IMMP2L: variants seen among roughly 807,000 people sequenced by gnomAD.
IMMP2L encodes inner mitochondrial membrane peptidase subunit 2, also known as mitochondrial inner membrane protease subunit 2.
A neutral mutation model predicts 19.3 loss-of-function variants in IMMP2L; 18 were observed. The observed-to-expected ratio is 0.93, with a 90% CI of 0.64 to 1.38. IMMP2L has a LOEUF of 1.38. Ranked by LOEUF, IMMP2L falls within the 40% of genes most tolerant of loss-of-function variation. The pLI is 0.00. For missense variants in IMMP2L, 233 were observed against 218.2 expected (o/e 1.07, Z -0.43); for synonymous variants, 76 against 73.0 (o/e 1.04, Z -0.21).
intron 3 of IMMP2L, among the ~76,000 whole-genome samples, chr7:111,294,448 T>C (rs1380459644): frequency 6.6e-6 from 1 of 151,984 alleles, no homozygotes; most frequent in Non-Finnish European, 1.5e-5. Flanking sequence ...CAAAACAATG[T>C]AGTTTTAATT....
chr7:111,466,343 T>TA (rs919414549), intron 3 of IMMP2L, among the ~76,000 whole-genome samples: 5 of 152,010 alleles, frequency 3.3e-5, no homozygotes, highest in Admixed American at 6.6e-5. Flanking sequence ...TAAAGTATAA[T>TA]AAAAAAAATT....
intron 1 of IMMP2L, among the ~76,000 whole-genome samples, chr7:111,551,020 A>C (rs6952483): frequency 0.8 from 121,296 of 152,086 alleles, 50,162 homozygotes; most frequent in East Asian, 0.97. Flanking sequence ...ATAATGGGAA[A>C]ATCATATGAA....
chr7:111,550,121 A>T (rs1467264719), intron 1 of IMMP2L, among the ~76,000 whole-genome samples: 1 of 152,158 alleles, frequency 6.6e-6, no homozygotes, highest in Non-Finnish European at 1.5e-5. Context: ...TCAAGCAACT[A>T]TTAAACAAAT....
chr7:110,891,099 C>T (rs1355343365), intron 4 of IMMP2L, among the ~76,000 whole-genome samples: 3 of 151,558 alleles, frequency 2.0e-5, no homozygotes, highest in Non-Finnish European at 4.4e-5. Flanking sequence ...ATAGTGGCTG[C>T]CCTGAGGATG....
In IMMP2L at chr7:111,054,085, G is replaced by A. The variant is rs192783671; in HGVS notation, c.240-90520C>T. The stretch of plus-strand genomic sequence containing the variant: ...TCACTAGGGAAAGAAGCAAATCAGT[G>A]CACTAAAATCTTTAAAACCACCACA... On this transcript the variant is annotated intron_variant, in intron 3 of 5. Transcript: ENST00000405709. 3.2e-3 allele frequency among the ~76,000 whole-genome samples: 482 copies of A among 152,100 alleles called. 8 individuals carry two copies. The highest frequency in any genetic ancestry group is 0.031 in the Admixed American group (469 of 15,290).
chr7:110,688,305 T>C (rs917129397), intron 5 of IMMP2L, among the ~76,000 whole-genome samples: 11 of 152,090 alleles, frequency 7.2e-5, no homozygotes, highest in African/African-American at 2.2e-4. Flanking sequence ...GAAACACTAC[T>C]CATCACCAAT....
intron 3 of IMMP2L, among the ~76,000 whole-genome samples, chr7:111,268,569 C>CTTTT (rs762576425): frequency 0.013 from 576 of 44,596 alleles, 135 homozygotes; most frequent in Middle Eastern, 0.02. Flanking sequence ...TCACATTTCT[C>CTTTT]TTTTTTTTTT....
intron 3 of IMMP2L, among the ~76,000 whole-genome samples, chr7:111,232,373 G>A (rs1166371743): frequency 7.5e-6 from 1 of 133,192 alleles, no homozygotes. Context: ...ATTTTGGAGG[G>A]TTTTTTTTTT....
chr7:111,510,530 C>T (rs1330379743), intron 2 of IMMP2L, among the ~76,000 whole-genome samples: 2 of 152,068 alleles, frequency 1.3e-5, no homozygotes, highest in East Asian at 3.9e-4. Context: ...TTCCAGCTAG[C>T]AAGAGCTCAA....
intron 5 of IMMP2L, among the ~76,000 whole-genome samples, chr7:110,836,058 T>A (rs1488784660): frequency 1.3e-5 from 2 of 152,124 alleles, no homozygotes; most frequent in Non-Finnish European, 2.9e-5. Context: ...GTTAATAAGA[T>A]AACAAATCTC....
At chr7:111,429,779 G>A (rs1040010169) in intron 3 of IMMP2L, among the ~76,000 whole-genome samples, 5 of 151,734 alleles carry the variant, frequency 3.3e-5, no homozygotes, top group Non-Finnish European at 5.9e-5. Flanking sequence ...ATCCCTTTGG[G>A]GAACATTTTT....
At chr7:110,676,691 T>A (rs1792323426) in intron 5 of IMMP2L, among the ~76,000 whole-genome samples, 1 of 152,204 alleles carries the variant, frequency 6.6e-6, no homozygotes, top group South Asian at 2.1e-4. Context: ...CAGGAGGGTT[T>A]CCATAATCAC....
rs762846642 is a variant in IMMP2L at position 110,667,103 on chromosome 7, C to A, written c.409-3382G>T. 4.4e-4 allele frequency among the ~76,000 whole-genome samples: 67 copies of A among 152,146 alleles called. 1 individual carries two copies. Among genetic ancestry groups the A allele is most frequent in the Non-Finnish European group, 9.3e-4 (63 of 68,030 alleles). Reference sequence around the variant, plus strand: ...GCCAAGATGGTCTCGATCTTCTGACCTAGTGATCCATCTGCCTTGGCCTCC... The same window carrying A: ...GCCAAGATGGTCTCGATCTTCTGACATAGTGATCCATCTGCCTTGGCCTCC... On this transcript the variant is annotated intron_variant, in intron 5 of 5. Transcript: ENST00000405709.
chr7:111,227,582 A>G (rs1258259732), intron 3 of IMMP2L, among the ~76,000 whole-genome samples: 1 of 152,010 alleles, frequency 6.6e-6, no homozygotes, highest in Admixed American at 6.6e-5. Flanking sequence ...CAAGAAATAA[A>G]TGTGTCTACA....
intron 3 of IMMP2L, among the ~76,000 whole-genome samples, chr7:111,337,658 A>G (rs573774649): frequency 6.6e-6 from 1 of 152,012 alleles, no homozygotes; most frequent in African/African-American, 2.4e-5. Context: ...GAAACTAAGT[A>G]CCATACATGG....
chr7:110,681,984 T>C (rs1282159318), intron 5 of IMMP2L, among the ~76,000 whole-genome samples: 2 of 152,172 alleles, frequency 1.3e-5, no homozygotes, highest in East Asian at 1.9e-4. Context: ...TAATCATGCA[T>C]AGGAAAAGAA....
chr7:110,763,738 A>G (rs1471065912), intron 5 of IMMP2L, among the ~76,000 whole-genome samples: 1 of 152,172 alleles, frequency 6.6e-6, no homozygotes, highest in Admixed American at 6.6e-5. Context: ...AGTATTTCAA[A>G]TAAGGGCCAT....
intron 1 of IMMP2L, among the ~76,000 whole-genome samples, chr7:111,534,437 CTCA>C (rs1847692015): frequency 6.6e-6 from 1 of 151,976 alleles, no homozygotes; most frequent in Admixed American, 6.6e-5. Context: ...CAGCATCATC[CTCA>C]TCGTCATCCT....
chr7:111,554,383 A>C (rs932713587), intron 1 of IMMP2L, among the ~76,000 whole-genome samples: 2 of 152,140 alleles, frequency 1.3e-5, no homozygotes, highest in African/African-American at 4.8e-5. Flanking sequence ...AAGAAAGGGA[A>C]GATGAGAAAC....
Sources: allele counts gnomAD v4.1 joint callset (sites outside exome capture counted in the v4.1 genomes callset), GRCh38; gene constraint gnomAD v4.1.1; transcripts MANE v1.5; gene names NCBI Gene and HGNC (gene_info 2026-07-23, HGNC 2026-07-21).